Variants in RAD23A observed in about 807,000 individuals in gnomAD.
The protein encoded by RAD23A is RAD23 nucleotide excision repair protein A.
Under a neutral mutation model 44.8 loss-of-function variants are expected in RAD23A, and 16 were observed. The observed-to-expected ratio is 0.36, with a 90% CI of 0.24 to 0.54. RAD23A has a LOEUF of 0.54. RAD23A is among the 20% of genes least tolerant of loss of function. The probability of loss-of-function intolerance (pLI) is 0.89; values close to 1 mark genes in which losing one functional copy is unlikely to be tolerated. For synonymous variants in RAD23A, 217 were observed against 202.9 expected, an observed-to-expected ratio of 1.07 and a Z score of -0.59; for missense variants, 380 against 483.3, an observed-to-expected ratio of 0.79 and a Z score of 2.00.
rs760016308 is a variant in RAD23A, at chr19:12,948,507, T to C, written c.427T>C (p.Ser143Pro). 1 of 1,592,844 alleles carries C rather than the reference T, an allele frequency of 6.3e-7. No individual in the cohort carries two copies. Among genetic ancestry groups the C allele is most frequent in the Non-Finnish European group, 8.6e-7 (1 of 1,169,352 alleles). ...SPESVSGSVP[S>P]SGSSGREEDA... ...CTCTTGAATTTGCAGCTCTGTTCCC[T>C]CTTCAGGTAGCAGCGGGCGAGAGGA... The change falls in exon 4 of 9, where the codon TCT becomes CCT. Residue 143 changes from serine to proline, a missense_variant. This residue lies in a region of RAD23A where 279 missense variants were observed against 313.7 expected (regional missense o/e 0.89). Transcript: ENST00000586534. This position sits in a 1 kb window ranked among gnomAD's most constrained non-coding sequence, Gnocchi z 5.5.
chr19:12,946,126 G>T, intron 1 of RAD23A, 106 bp downstream of exon 1: 1 of 1,164,514 alleles, frequency 8.6e-7, no homozygotes, highest in African/African-American at 1.6e-5. Flanking sequence ...GACGGCGCGG[G>T]TCGGCCCTGC....
chr19:12,951,019 G>A (rs1971797369), intron 7 of RAD23A, among the ~76,000 whole-genome samples: 1 of 152,168 alleles, frequency 6.6e-6, no homozygotes, highest in Non-Finnish European at 1.5e-5. Flanking sequence ...AACCGAGATT[G>A]CCCCACTGCA....
At chr19:12,950,490 C>T (rs1012210006) in intron 7 of RAD23A, among the ~76,000 whole-genome samples, 26 of 152,188 alleles carry the variant, frequency 1.7e-4, no homozygotes, top group African/African-American at 5.1e-4. Context: ...CTGCAACCTC[C>T]GCCTCCCGGG....
chr19:12,951,298 CCA>C (rs1376828562), intron 7 of RAD23A, among the ~76,000 whole-genome samples: 1 of 152,166 alleles, frequency 6.6e-6, no homozygotes, highest in Non-Finnish European at 1.5e-5. Flanking sequence ...TCTAAAAGAT[CCA>C]CAGACCACGT....
intron 1 of RAD23A, among the ~76,000 whole-genome samples, chr19:12,947,091 C>T (rs1345509544): frequency 2.0e-5 from 3 of 152,116 alleles, no homozygotes; most frequent in Non-Finnish European, 1.5e-5. Flanking sequence ...AAACGTATTT[C>T]ATAGGAAACT....
At chr19:12,947,767 G>A in intron 1 of RAD23A, 81 bp from the exon 2 acceptor site, 1 of 1,440,674 alleles carries the variant, frequency 6.9e-7, no homozygotes, top group Non-Finnish European at 9.6e-7. Context: ...TGCCATCAGG[G>A]CTGGCAGTTT....
chr19:12,949,213 C>T (rs1971742855), intron 6 of RAD23A, 54 bp downstream of exon 6: 1 of 1,613,952 alleles, frequency 6.2e-7, no homozygotes, highest in Non-Finnish European at 8.5e-7. Flanking sequence ...ACATTACACT[C>T]CACCCCGCAG....
At chr19:12,949,446 C>G (rs748346916) in intron 7 of RAD23A, 38 bp downstream of exon 7, 6 of 1,599,028 alleles carry the variant, frequency 3.8e-6, no homozygotes, top group Non-Finnish European at 1.7e-6. Flanking sequence ...GGGCAGCCAC[C>G]ATTTCCCTTC....
At chr19:12,952,651 G>A (rs763546083) in intron 7 of RAD23A, 38 bp from the exon 8 acceptor site, 3 of 1,569,310 alleles carry the variant, frequency 1.9e-6, no homozygotes, top group Admixed American at 1.7e-5. Flanking sequence ...GGGGACCAGG[G>A]CTGTGAATTA....
chr19:12,949,560 G>C, intron 7 of RAD23A, 152 bp downstream of exon 7: 1 of 1,073,722 alleles, frequency 9.3e-7, no homozygotes, highest in Non-Finnish European at 1.3e-6. Context: ...GTGACCTGGT[G>C]ACCCCCCTGG....
At position 12,952,749 on chromosome 19, in the gene RAD23A, G is replaced by A; in HGVS notation, c.874G>A (p.Ala292Thr). The A allele has an allele frequency of 6.2e-7, 1 of 1,613,392 alleles. No homozygotes were observed. The highest frequency in any genetic ancestry group is 8.5e-7 in the Non-Finnish European group (1 of 1,179,928). The change falls in exon 8 of 9, where the codon GCG becomes ACG. Residue 292 changes from alanine (A) to threonine (T), a missense_variant. Ala to Thr is a moderately conservative substitution (Grantham distance 58). Transcript: ENST00000586534. ...GCTGAACGAGCCCCCTGGGGAGCTGGCGGACATCTCAGATGTGGAGGGGGA... is the reference window on the plus strand; with the variant it reads ...GCTGAACGAGCCCCCTGGGGAGCTGACGGACATCTCAGATGTGGAGGGGGA... ...QMLNEPPGEL[A>T]DISDVEGEVG...
rs745685012 is a variant in RAD23A at position 12,953,292 on chromosome 19, A to G, written c.*243A>G. The G allele has an allele frequency of 2.4e-4, 81 of 337,968 alleles. 1 individual carries two copies. In the Middle Eastern group the frequency reaches 3.2e-3, roughly 13 times the overall value. The allele number at this position is 337,968 out of a possible 1,614,324, so 20.9% of individuals were successfully genotyped here. ...GCCCAGCCTGCTCAGAGAAGCTGGC[A>G]GGACTGGGAGGCGACAGATGGGCCC... On this transcript the variant is annotated 3_prime_UTR_variant, in exon 9 of 9. Coordinates refer to ENST00000586534, the MANE Select transcript of RAD23A (RefSeq NM_005053.4).
chr19:12,949,506 A>G, intron 7 of RAD23A, 98 bp downstream of exon 7: 1 of 1,479,960 alleles, frequency 6.8e-7, no homozygotes, highest in Non-Finnish European at 9.2e-7. Flanking sequence ...TAGGTCCGGA[A>G]AGCAGGACTA....
At chr19:12,952,287 C>T (rs1329516533) in intron 7 of RAD23A, 1 of 173,008 alleles carries the variant, frequency 5.8e-6, no homozygotes, top group African/African-American at 2.4e-5. Context: ...GCCTCCGCCT[C>T]CTGGGTTCAG....
intron 7 of RAD23A, 68 bp downstream of exon 7, chr19:12,949,476 A>C (rs1003733083): frequency 6.3e-7 from 1 of 1,578,398 alleles, no homozygotes; most frequent in East Asian, 2.3e-5. Context: ...ACCAGAGTCC[A>C]TAACACGTAG....
At position 12,948,425 on chromosome 19, in the gene RAD23A, TG is replaced by T. The variant is rs1321144874; in HGVS notation, c.416+69del. On this transcript the variant is annotated intron_variant, in intron 3 of 8. Transcript: ENST00000586534. This position sits in a 1 kb window ranked among gnomAD's most constrained non-coding sequence, Gnocchi z 5.5. ...TAGCACATTCCAGCGTCCACATAAGTGGTCCCACACACCTGGAGGGAGGGCA... is the reference window on the plus strand; with the variant it reads ...TAGCACATTCCAGCGTCCACATAAGTGTCCCACACACCTGGAGGGAGGGCA... 1 of 1,543,650 alleles carries T rather than the reference TG, an allele frequency of 6.5e-7. No individual in the cohort carries two copies. Among genetic ancestry groups the T allele is most frequent in the African/African-American group, 1.4e-5 (1 of 72,674 alleles).
chr19:12,949,202 C>T, intron 6 of RAD23A, 43 bp downstream of exon 6: 2 of 1,614,074 alleles, frequency 1.2e-6, no homozygotes, highest in Non-Finnish European at 1.7e-6. Context: ...GTACCTGACT[C>T]ACATTACACT....
rs1971874803 is a variant in RAD23A at position 12,953,558 on chromosome 19, C to T, written c.*509C>T. On this transcript the variant is annotated 3_prime_UTR_variant, in exon 9 of 9. Coordinates refer to ENST00000586534, the MANE Select transcript of RAD23A (RefSeq NM_005053.4). ...CTCCAGCCTGGAGAAGGGCTAACATCAGCTCATTGTCAAGGCCACCCCCAC... is the reference window on the plus strand; with the variant it reads ...CTCCAGCCTGGAGAAGGGCTAACATTAGCTCATTGTCAAGGCCACCCCCAC... 1 of 153,884 alleles carries T rather than the reference C, an allele frequency of 6.5e-6. No homozygotes were observed. The highest frequency in any genetic ancestry group is 1.4e-5 in the Non-Finnish European group (1 of 69,090). The allele number at this position is 153,884 out of a possible 1,614,324, so 9.5% of individuals were successfully genotyped here. A position where few individuals can be genotyped will look rare whatever the true frequency, so the allele number is the denominator to read the frequency against.
rs901449686 is a variant in RAD23A, at chr19:12,948,429, C to T, written c.417-68C>T. ...ACATTCCAGCGTCCACATAAGTGGT[C>T]CCACACACCTGGAGGGAGGGCAAGC... On this transcript the variant is annotated intron_variant, in intron 3 of 8. Coordinates refer to ENST00000586534, the MANE Select transcript of RAD23A (RefSeq NM_005053.4). The surrounding 1 kb of genome is among the most constrained non-coding windows in gnomAD (Gnocchi z 5.5). The T allele has an allele frequency of 1.9e-6, 3 of 1,545,082 alleles. No homozygotes were observed. Among genetic ancestry groups the T allele is most frequent in the African/African-American group, 2.7e-5 (2 of 72,730 alleles).
Sources: allele counts gnomAD v4.1 joint callset (sites outside exome capture counted in the v4.1 genomes callset), GRCh38; gene constraint gnomAD v4.1.1; regional missense constraint gnomAD v4.1.1; non-coding constraint Gnocchi (gnomAD v3.1); transcripts MANE v1.5; gene names NCBI Gene and HGNC (gene_info 2026-07-23, HGNC 2026-07-21).